ZFHX4: variants seen among roughly 807,000 people sequenced by gnomAD.
ZFHX4 encodes zinc finger homeobox protein 4.
A neutral mutation model predicts 267.6 loss-of-function variants in ZFHX4; 56 were observed. That is an observed-to-expected ratio of 0.21 (90% confidence interval 0.17 to 0.26). ZFHX4 has a LOEUF of 0.26. Among genes scored for constraint, ZFHX4 ranks in the 10% least tolerant of loss-of-function variants. The pLI is 1.00. For missense variants in ZFHX4, 4,332 were observed against 4,420.0 expected, an observed-to-expected ratio of 0.98 and a Z score of 0.56; for synonymous variants, 1,778 against 1,665.6, an observed-to-expected ratio of 1.07 and a Z score of -1.64.
intron 10 of ZFHX4, among the ~76,000 whole-genome samples, chr8:76,861,603 G>A (rs977689409): frequency 1.4e-4 from 21 of 151,698 alleles, no homozygotes; most frequent in African/African-American, 4.8e-4. Flanking sequence ...TAAGGATAAG[G>A]GTCAAGGAAG....
At chr8:76,732,366 T>C (rs1485051166) in intron 3 of ZFHX4, among the ~76,000 whole-genome samples, 1 of 152,118 alleles carries the variant, frequency 6.6e-6, no homozygotes, top group Non-Finnish European at 1.5e-5. Context: ...TTATGGGATA[T>C]CTAAGTGTAT....
intron 1 of ZFHX4, among the ~76,000 whole-genome samples, chr8:76,697,143 G>T (rs539752835): frequency 5.3e-5 from 8 of 152,022 alleles, no homozygotes; most frequent in African/African-American, 1.9e-4. Flanking sequence ...TTGTGAAATA[G>T]AAATAATTAT....
chr8:76,861,834 G>A (rs1007058103), intron 10 of ZFHX4, among the ~76,000 whole-genome samples: 1 of 151,064 alleles, frequency 6.6e-6, no homozygotes, highest in South Asian at 2.1e-4. Flanking sequence ...TTAACAAGAT[G>A]GCTCTATGAA....
intron 4 of ZFHX4, among the ~76,000 whole-genome samples, chr8:76,832,360 T>C (rs1811958802): frequency 6.6e-6 from 1 of 152,172 alleles, no homozygotes; most frequent in Non-Finnish European, 1.5e-5. Context: ...TAATTCTATC[T>C]TCATTTTATG....
intron 10 of ZFHX4, among the ~76,000 whole-genome samples, chr8:76,857,987 T>C (rs1812776181): frequency 6.6e-6 from 1 of 152,208 alleles, no homozygotes; most frequent in Non-Finnish European, 1.5e-5. Flanking sequence ...TATCTTTACA[T>C]GGGCTGAAAA....
intron 3 of ZFHX4, among the ~76,000 whole-genome samples, chr8:76,763,661 A>G (rs1014975996): frequency 3.9e-5 from 6 of 152,158 alleles, no homozygotes; most frequent in Admixed American, 6.6e-5. Flanking sequence ...GTGATGTATT[A>G]TTATATATGA....
At chr8:76,703,710 G>A (rs905898479) in intron 1 of ZFHX4, 1 of 178,160 alleles carries the variant, frequency 5.6e-6, no homozygotes, top group Non-Finnish European at 1.2e-5. Flanking sequence ...CTGCAAAGGG[G>A]GTTTTAGAGT....
chr8:76,716,991 T>G (rs1176092453), intron 3 of ZFHX4, among the ~76,000 whole-genome samples: 1 of 152,150 alleles, frequency 6.6e-6, no homozygotes, highest in African/African-American at 2.4e-5. Flanking sequence ...ATGCACTAAA[T>G]GGTACCCTGC....
intron 3 of ZFHX4, among the ~76,000 whole-genome samples, chr8:76,714,691 G>C (rs1294888146): frequency 6.6e-6 from 1 of 152,178 alleles, no homozygotes; most frequent in African/African-American, 2.4e-5. Context: ...AGCACTTATT[G>C]AACACTTACT....
chr8:76,803,264 G>A (rs111631936), intron 4 of ZFHX4, among the ~76,000 whole-genome samples: 9 of 133,942 alleles, frequency 6.7e-5, no homozygotes, highest in Non-Finnish European at 1.2e-4. Context: ...GCGTGTGTGC[G>A]TGTGTGTGTG....
intron 10 of ZFHX4, among the ~76,000 whole-genome samples, chr8:76,861,121 G>T (rs1812855212): frequency 6.6e-6 from 1 of 152,036 alleles, no homozygotes; most frequent in Non-Finnish European, 1.5e-5. Flanking sequence ...TACCAGTAAT[G>T]CTTGGGCCAT....
intron 3 of ZFHX4, among the ~76,000 whole-genome samples, chr8:76,730,628 G>A (rs1452765543): frequency 6.6e-6 from 1 of 152,094 alleles, no homozygotes; most frequent in Non-Finnish European, 1.5e-5. Context: ...GAATCCGGGA[G>A]GCAGAGGTTG....
chr8:76,746,724 A>C (rs1809468872), intron 3 of ZFHX4, among the ~76,000 whole-genome samples: 1 of 152,360 alleles, frequency 6.6e-6, no homozygotes, highest in African/African-American at 2.4e-5. Flanking sequence ...GAGTCTTTAC[A>C]TGTGAAACCA....
At chr8:76,685,135 T>A (rs1807659394) in intron 1 of ZFHX4, among the ~76,000 whole-genome samples, 1 of 152,184 alleles carries the variant, frequency 6.6e-6, no homozygotes, top group East Asian at 1.9e-4. Flanking sequence ...TGAAGAAAAG[T>A]CATAAAGGCA....
chr8:76,854,331 C>G lies in ZFHX4; in HGVS notation c.7410C>G (p.Val2470=). Residue 2470 remains valine (V), a synonymous_variant, in exon 10 of 11, where the codon GTC becomes GTG. Coordinates refer to ENST00000651372, the MANE Select transcript of ZFHX4 (RefSeq NM_024721.5). ...GRPPSASQTP[V]PSSPLQISMT... ...CTCCCTCGGCCTCTCAAACACCGGT[C>G]CCTTCCAGTCCACTGCAAATTTCCA... The G allele has an allele frequency of 5.0e-6, 8 of 1,613,776 alleles. No homozygotes were observed. The highest frequency in any genetic ancestry group is 1.6e-4 in the Middle Eastern group (1 of 6,062).
chr8:76,819,479 TA>T (rs1811589707), intron 4 of ZFHX4, among the ~76,000 whole-genome samples: 1 of 152,132 alleles, frequency 6.6e-6, no homozygotes, highest in South Asian at 2.1e-4. Context: ...TATGTAAATA[TA>T]AATAAACCCA....
chr8:76,809,483 G>T (rs1585967934), intron 4 of ZFHX4, among the ~76,000 whole-genome samples: 1 of 152,244 alleles, frequency 6.6e-6, no homozygotes, highest in African/African-American at 2.4e-5. Context: ...GAAATTCATT[G>T]TGATTAACCT....
intron 3 of ZFHX4, among the ~76,000 whole-genome samples, chr8:76,744,522 C>T (rs182459335): frequency 1.2e-3 from 177 of 152,130 alleles, no homozygotes; most frequent in African/African-American, 4.1e-3. Flanking sequence ...AAGCGATTCT[C>T]CCACCTCAGC....
At chr8:76,818,717 A>G (rs999801563) in intron 4 of ZFHX4, among the ~76,000 whole-genome samples, 2 of 152,076 alleles carry the variant, frequency 1.3e-5, no homozygotes, top group East Asian at 3.9e-4. Context: ...TTTGAGACTA[A>G]GCAAGCCTGG....
Sources: allele counts gnomAD v4.1 joint callset (sites outside exome capture counted in the v4.1 genomes callset), GRCh38; gene constraint gnomAD v4.1.1; transcripts MANE v1.5; gene names NCBI Gene and HGNC (gene_info 2026-07-23, HGNC 2026-07-21).